MAML2: variants seen among roughly 807,000 people sequenced by gnomAD.
The protein encoded by MAML2 is mastermind-like protein 2.
Under a neutral mutation model 96.1 loss-of-function variants are expected in MAML2, and 22 were observed. The observed-to-expected ratio is 0.23, with a 90% confidence interval of 0.16 to 0.33. The LOEUF (loss-of-function observed/expected upper bound fraction) is 0.33. Among genes scored for constraint, MAML2 ranks in the 10% least tolerant of loss-of-function variants. MAML2 has a pLI of 1.00. For synonymous variants in MAML2, 561 were observed against 521.3 expected, an observed-to-expected ratio of 1.08 and a Z score of -1.04; for missense variants, 1,367 against 1,392.4, an observed-to-expected ratio of 0.98 and a Z score of 0.29.
chr11:96,311,461 T>A (rs1470311707), intron 1 of MAML2, among the ~76,000 whole-genome samples: 1 of 152,176 alleles, frequency 6.6e-6, no homozygotes, highest in African/African-American at 2.4e-5. Context: ...GAATGCACAA[T>A]TCACCACATT....
chr11:96,169,433 G>C (rs917107879), intron 1 of MAML2, among the ~76,000 whole-genome samples: 1 of 152,198 alleles, frequency 6.6e-6, no homozygotes, highest in Non-Finnish European at 1.5e-5. Context: ...CAGGCCCTGG[G>C]GATGGGCAAC....
chr11:96,129,846 C>G (rs769871644), intron 1 of MAML2, among the ~76,000 whole-genome samples: 1 of 152,164 alleles, frequency 6.6e-6, no homozygotes, highest in Non-Finnish European at 1.5e-5. Context: ...ATGGTTAGCT[C>G]CCACTTATAA....
chr11:96,155,457 C>G, intron 1 of MAML2, among the ~76,000 whole-genome samples: 1 of 138,752 alleles, frequency 7.2e-6, no homozygotes, highest in Non-Finnish European at 1.5e-5. Context: ...TTCTCTGAGC[C>G]CTATTTTCCT....
intron 1 of MAML2, among the ~76,000 whole-genome samples, chr11:96,220,876 C>T (rs1250714961): frequency 6.6e-6 from 1 of 152,014 alleles, no homozygotes; most frequent in Non-Finnish European, 1.5e-5. Flanking sequence ...GGATGCCTTT[C>T]TGGGTTGTTC....
At chr11:96,271,254 G>C (rs1433081755) in intron 1 of MAML2, among the ~76,000 whole-genome samples, 1 of 152,080 alleles carries the variant, frequency 6.6e-6, no homozygotes, top group Non-Finnish European at 1.5e-5. Flanking sequence ...TCCCCTTCAG[G>C]TATACATATA....
At chr11:96,282,120 G>T (rs1312187372) in intron 1 of MAML2, among the ~76,000 whole-genome samples, 1 of 151,710 alleles carries the variant, frequency 6.6e-6, no homozygotes, top group Non-Finnish European at 1.5e-5. Context: ...GTGGTGGCGG[G>T]CCCCTGTAGT....
intron 1 of MAML2, among the ~76,000 whole-genome samples, chr11:96,241,324 G>A (rs1272370445): frequency 6.6e-6 from 1 of 152,190 alleles, no homozygotes; most frequent in East Asian, 1.9e-4. Flanking sequence ...TCAGTGCACA[G>A]CTTCTCTTTC....
chr11:96,091,839 A>G (rs1859710778), intron 2 of MAML2, 53 bp downstream of exon 2: 2 of 1,566,546 alleles, frequency 1.3e-6, no homozygotes, highest in African/African-American at 1.4e-5. Context: ...CAGCATAAAG[A>G]TCAAGCTAAA....
chr11:96,106,378 C>T (rs544053424), intron 1 of MAML2, among the ~76,000 whole-genome samples: 3 of 152,308 alleles, frequency 2.0e-5, no homozygotes, highest in Admixed American at 6.5e-5. Context: ...TCTCAGAACA[C>T]GCTTATGAAT....
intron 1 of MAML2, among the ~76,000 whole-genome samples, chr11:96,225,927 A>T (rs1439044604): frequency 6.6e-6 from 1 of 152,230 alleles, no homozygotes; most frequent in Non-Finnish European, 1.5e-5. Context: ...ATGATCATTA[A>T]TGTCCAAGGT....
At chr11:96,184,284 C>G (rs905406532) in intron 1 of MAML2, among the ~76,000 whole-genome samples, 1 of 151,876 alleles carries the variant, frequency 6.6e-6, no homozygotes, top group Non-Finnish European at 1.5e-5. Context: ...CTACTAAAAA[C>G]GTAAAAATTA....
At chr11:96,173,639 T>C (rs575642808) in intron 1 of MAML2, among the ~76,000 whole-genome samples, 183 of 152,276 alleles carry the variant, frequency 1.2e-3, no homozygotes, top group African/African-American at 4.1e-3. Context: ...GCTCATTGAA[T>C]GCCATGCAAG....
intron 1 of MAML2, among the ~76,000 whole-genome samples, chr11:96,190,165 T>G (rs533762071): frequency 6.6e-6 from 1 of 152,242 alleles, no homozygotes; most frequent in South Asian, 2.1e-4. Context: ...ATGTGGACAT[T>G]TGATGTGAGG....
At chr11:96,315,493 TC>T (rs1257502762) in intron 1 of MAML2, among the ~76,000 whole-genome samples, 1 of 152,252 alleles carries the variant, frequency 6.6e-6, no homozygotes, top group Non-Finnish European at 1.5e-5. Context: ...CAATGCTATC[TC>T]TTTCACACTT....
chr11:96,156,534 C>G (rs1348693979), intron 1 of MAML2, among the ~76,000 whole-genome samples: 1 of 152,148 alleles, frequency 6.6e-6, no homozygotes, highest in Non-Finnish European at 1.5e-5. Flanking sequence ...AGGAGGAAGT[C>G]AGTTCCCCAG....
intron 1 of MAML2, among the ~76,000 whole-genome samples, chr11:96,274,731 C>A (rs1862963242): frequency 2.0e-5 from 3 of 152,022 alleles, no homozygotes; most frequent in African/African-American, 7.2e-5. Context: ...CTATATAGCT[C>A]ATATGTCTAA....
intron 1 of MAML2, among the ~76,000 whole-genome samples, chr11:96,118,689 G>A (rs983473652): frequency 6.6e-6 from 1 of 152,058 alleles, no homozygotes; most frequent in Admixed American, 6.5e-5. Flanking sequence ...AATGAAGGTA[G>A]GAACAATCTT....
At chr11:96,238,959 A>G (rs1862398480) in intron 1 of MAML2, among the ~76,000 whole-genome samples, 2 of 152,242 alleles carry the variant, frequency 1.3e-5, no homozygotes. Flanking sequence ...TATTCTGGCC[A>G]AAGTCCAAGT....
chr11:96,185,132 T>C (rs1365558474), intron 1 of MAML2, among the ~76,000 whole-genome samples: 1 of 150,106 alleles, frequency 6.7e-6, no homozygotes, highest in Non-Finnish European at 1.5e-5. Context: ...TGAGAAATGG[T>C]CCACCGAGGC....
Sources: allele counts gnomAD v4.1 joint callset (sites outside exome capture counted in the v4.1 genomes callset), GRCh38; gene constraint gnomAD v4.1.1; transcripts MANE v1.5; gene names NCBI Gene and HGNC (gene_info 2026-07-23, HGNC 2026-07-21).